Variants in POLE observed in about 807,000 individuals in gnomAD.
POLE encodes the protein DNA polymerase epsilon, catalytic subunit.
A neutral mutation model predicts 279.2 loss-of-function variants in POLE; 188 were observed. The observed-to-expected ratio is 0.67, with a 90% confidence interval of 0.60 to 0.76. POLE has a LOEUF of 0.76. Among genes scored for constraint, POLE ranks in the 30% least tolerant of loss-of-function variants. The pLI is 0.00. For missense variants in POLE, 2,703 were observed against 3,016.7 expected (o/e 0.90, Z 2.44); for synonymous variants, 1,214 against 1,172.5 (o/e 1.04, Z -0.72).
chr12:132,641,534 C>T, intron 39 of POLE, 113 bp downstream of exon 39: 1 of 854,692 alleles, frequency 1.2e-6, no homozygotes, highest in Non-Finnish European at 1.9e-6. Flanking sequence ...CTGGCTCTGC[C>T]ATTAAGACTA....
intron 31 of POLE, 73 bp downstream of exon 31, chr12:132,649,233 A>G: frequency 6.5e-7 from 1 of 1,549,384 alleles, no homozygotes; most frequent in Non-Finnish European, 8.9e-7. Flanking sequence ...CCCAGACCTC[A>G]GGGCCCAGCT....
Position 132,672,128 on chromosome 12 carries a change from G to T in POLE, c.1794+87C>A, listed in dbSNP as rs996026360. 18 of 902,034 alleles carry T rather than the reference G, an allele frequency of 2.0e-5. No homozygotes were observed. In the African/African-American group the frequency reaches 2.9e-4, roughly 15 times the overall value. 55.9% of individuals were successfully genotyped at this position (902,034 alleles called of 1,614,324 possible). On this transcript the variant is annotated intron_variant, in intron 16 of 48. Transcript: ENST00000320574. ...CCGTCCACAGCACCACACGCAGCAG[G>T]TGCACAATAAACGTGCTGCTGAAAG...
chr12:132,657,842 G>C (rs774339972), intron 27 of POLE, 26 bp downstream of exon 27: 1 of 1,463,200 alleles, frequency 6.8e-7, no homozygotes, highest in South Asian at 1.1e-5. Flanking sequence ...AAACTTTTAA[G>C]AGTAGAGAAC....
At chr12:132,672,459 G>A (rs566440988) in intron 15 of POLE, 137 bp from the exon 16 acceptor site, 60 of 1,013,486 alleles carry the variant, frequency 5.9e-5, no homozygotes, top group Non-Finnish European at 9.0e-5. Flanking sequence ...AATCTGCAGT[G>A]CACTGCCCTA....
intron 29 of POLE, chr12:132,651,473 C>T (rs2042420865): frequency 6.6e-6 from 1 of 152,234 alleles, no homozygotes; most frequent in Non-Finnish European, 1.5e-5. Flanking sequence ...ACCACACTTA[C>T]TTGCCTTCAG....
At position 132,661,828 on chromosome 12, in the gene POLE, A is replaced by T. The variant is rs1402410250; in HGVS notation, c.2707-144T>A. 1.3e-6 allele frequency: 1 copy of T among 794,670 alleles called. No individual in the cohort carries two copies. The highest frequency in any genetic ancestry group is 2.0e-6 in the Non-Finnish European group (1 of 501,562). The allele number at this position is 794,670 out of a possible 1,614,324, so 49.2% of individuals were successfully genotyped here. ...CACGACTTGGCAGCAGGAAGGAAGG[A>T]AGTTCTGATGCATGCAACCAAGTGG... On this transcript the variant is annotated intron_variant, in intron 23 of 48. Transcript: ENST00000320574. This position sits in a 1 kb window ranked among gnomAD's most constrained non-coding sequence, Gnocchi z 4.1.
chr12:132,624,847 A>G (rs371596124), intron 48 of POLE, 37 bp from the exon 49 acceptor site: 45 of 1,588,824 alleles, frequency 2.8e-5, no homozygotes, highest in Non-Finnish European at 3.9e-5. Context: ...ACCCCAGTCC[A>G]CTCAGAGAGG....
In POLE at chr12:132,661,245, G is replaced by A. The variant is rs947968999; in HGVS notation, c.2865-81C>T. 1.5e-4 allele frequency: 199 copies of A among 1,298,400 alleles called. No homozygotes were observed. Among genetic ancestry groups the A allele is most frequent in the Middle Eastern group, 2.4e-4 (1 of 4,174 alleles). 80.4% of individuals were successfully genotyped at this position (1,298,400 alleles called of 1,614,324 possible). A position where few individuals can be genotyped will look rare whatever the true frequency, so the allele number is the denominator to read the frequency against. On this transcript the variant is annotated intron_variant, in intron 24 of 48. Transcript: ENST00000320574. This position sits in a 1 kb window ranked among gnomAD's most constrained non-coding sequence, Gnocchi z 4.1. ...CAGCTGTGCCTCATCCTCTCTGCCCGCCTCTTCCCTTTCCAACCCTCCACC... is the reference window on the plus strand; with the variant it reads ...CAGCTGTGCCTCATCCTCTCTGCCCACCTCTTCCCTTTCCAACCCTCCACC...
intron 33 of POLE, 114 bp downstream of exon 33, chr12:132,643,723 G>A (rs2042209478): frequency 6.8e-7 from 1 of 1,460,454 alleles, no homozygotes; most frequent in Non-Finnish European, 9.4e-7. Flanking sequence ...TCACCTGTGG[G>A]AACGAGTCCA....
intron 42 of POLE, among the ~76,000 whole-genome samples, chr12:132,635,097 T>C (rs1039914950): frequency 5.9e-5 from 9 of 152,120 alleles, no homozygotes; most frequent in African/African-American, 1.7e-4. Context: ...AGGGCCCCTG[T>C]GGAGGACACA....
chr12:132,647,448 TAA>T (rs75347196), intron 32 of POLE, among the ~76,000 whole-genome samples: 3 of 143,186 alleles, frequency 2.1e-5, no homozygotes. Flanking sequence ...TTATCTTGCT[TAA>T]AAAAAAAAAA....
rs1593722014 is a variant in POLE, at chr12:132,639,241, G to A, written c.5436C>T (p.Ile1812=). 5 of 1,614,112 alleles carry A rather than the reference G, an allele frequency of 3.1e-6. No homozygotes were observed. The highest frequency in any genetic ancestry group is 4.2e-6 in the Non-Finnish European group (5 of 1,179,968). Residue 1812 remains isoleucine, a synonymous_variant, in exon 40 of 49, where the codon ATC becomes ATT. Transcript: ENST00000320574. This position sits in a 1 kb window ranked among gnomAD's most constrained non-coding sequence, Gnocchi z 4.7. ...WVKEITQYHN[I]YADNQVMHFY... ...AGTGCATCACCTGGTTGTCTGCATA[G>A]ATGTTGTGGTACTGGGTGATCTCCT...
intron 41 of POLE, among the ~76,000 whole-genome samples, chr12:132,636,910 C>G (rs1189500468): frequency 1.3e-5 from 2 of 152,248 alleles, no homozygotes; most frequent in Non-Finnish European, 2.9e-5. Flanking sequence ...CTCTGCTCTT[C>G]GCGCTAAGGA....
At position 132,624,116 on chromosome 12, in the gene POLE, C is replaced by T. The variant is rs1188674759; in HGVS notation, c.*581G>A. ...TAGACCCGGCTCCAAATAAGCAGGG[C>T]TCACAAGCCAAAATCCAGATTCTCA... is the stretch of plus-strand genomic sequence containing the variant. On this transcript the variant is annotated 3_prime_UTR_variant, in exon 49 of 49. Transcript: ENST00000320574. 2 of 212,928 alleles carry T rather than the reference C, an allele frequency of 9.4e-6. No individual in the cohort carries two copies. Among genetic ancestry groups the T allele is most frequent in the Non-Finnish European group, 1.9e-5 (2 of 105,528 alleles). The allele number at this position is 212,928 out of a possible 1,614,324, so 13.2% of individuals were successfully genotyped here.
At position 132,645,298 on chromosome 12, in the gene POLE, G is replaced by A. The variant is rs5744916; in HGVS notation, c.4150-1321C>T. On this transcript the variant is annotated intron_variant, in intron 32 of 48. Coordinates refer to ENST00000320574, the MANE Select transcript of POLE (RefSeq NM_006231.4). ...AGGGCTGGGGGAATTCTGGAGAGGC[G>A]AGCTGGAGAGGGGTACCCTAGCTCC... Among the ~76,000 whole-genome samples the A allele has an allele frequency of 1.8e-3, 257 of 141,432 alleles. 2 individuals carry two copies. The highest frequency in any genetic ancestry group is 6.8e-3 in the African/African-American group (243 of 35,956). 92.8% of individuals were successfully genotyped at this position (141,432 alleles called of 152,430 possible).
At chr12:132,625,534 G>T in intron 47 of POLE, 111 bp downstream of exon 47, 3 of 1,387,502 alleles carry the variant, frequency 2.2e-6, no homozygotes, top group Non-Finnish European at 3.0e-6. Context: ...CAGGCCCCTT[G>T]GAAGACACCA....
At chr12:132,662,833 G>A (rs1034194327) in intron 23 of POLE, among the ~76,000 whole-genome samples, 8 of 152,192 alleles carry the variant, frequency 5.3e-5, no homozygotes, top group African/African-American at 1.9e-4. Flanking sequence ...AGCCACTCCG[G>A]TCCTATGAAC....
In POLE at chr12:132,634,730, T is replaced by C. The variant is rs2042001184; in HGVS notation, c.5812-352A>G. Among the ~76,000 whole-genome samples, 2 of 152,118 alleles carry C rather than the reference T, an allele frequency of 1.3e-5. No individual in the cohort carries two copies. Among genetic ancestry groups the C allele is most frequent in the African/African-American group, 4.8e-5 (2 of 41,414 alleles). On this transcript the variant is annotated intron_variant, in intron 42 of 48. Coordinates refer to ENST00000320574, the MANE Select transcript of POLE (RefSeq NM_006231.4). This position sits in a 1 kb window ranked among gnomAD's most constrained non-coding sequence, Gnocchi z 4.0. ...CTCTCCTCTGAGTCCATGAATCTCC[T>C]GGGACGGCACGACCCCATCACAGAC... is the stretch of plus-strand genomic sequence containing the variant.
chr12:132,654,867 A>G (rs1284129439), intron 29 of POLE, among the ~76,000 whole-genome samples: 3 of 152,136 alleles, frequency 2.0e-5, no homozygotes, highest in South Asian at 2.1e-4. Flanking sequence ...TGTTTGTTTC[A>G]CTCATTCTGG....
Sources: allele counts gnomAD v4.1 joint callset (sites outside exome capture counted in the v4.1 genomes callset), GRCh38; gene constraint gnomAD v4.1.1; non-coding constraint Gnocchi (gnomAD v3.1); transcripts MANE v1.5; gene names NCBI Gene and HGNC (gene_info 2026-07-23, HGNC 2026-07-21).